The following CNPY1 variants were observed in gnomAD, a reference collection of about 807,000 sequenced individuals.
The protein encoded by CNPY1 is canopy FGF signaling regulator 1.
Under a neutral mutation model 14.4 loss-of-function variants are expected in CNPY1, and 14 were observed. The ratio of observed to expected loss-of-function variants is 0.97; its 90% confidence interval spans 0.64 to 1.52. CNPY1 has a LOEUF of 1.52. CNPY1 is among the 40% of genes most tolerant of loss of function. CNPY1 has a pLI of 0.00. For synonymous variants in CNPY1, 43 were observed against 46.5 expected, an observed-to-expected ratio of 0.92 and a Z score of 0.31; for missense variants, 129 against 131.5, an observed-to-expected ratio of 0.98 and a Z score of 0.09.
intron 2 of CNPY1, among the ~76,000 whole-genome samples, chr7:155,517,276 A>G (rs1585311645): frequency 6.6e-6 from 1 of 152,086 alleles, no homozygotes; most frequent in East Asian, 1.9e-4. Context: ...AGGGACGGCC[A>G]TGTGAGGACG....
At chr7:155,534,443 GCA>G (rs1299698502) in intron 2 of CNPY1, among the ~76,000 whole-genome samples, 1 of 152,192 alleles carries the variant, frequency 6.6e-6, no homozygotes, top group African/African-American at 2.4e-5. Flanking sequence ...ACTTGCATGT[GCA>G]CACACAGACA....
chr7:155,528,795 T>A (rs1796877891), intron 2 of CNPY1, among the ~76,000 whole-genome samples: 1 of 152,186 alleles, frequency 6.6e-6, no homozygotes, highest in Non-Finnish European at 1.5e-5. Flanking sequence ...GCGCGGTGGC[T>A]CACACCTGTA....
chr7:155,505,313 G>C (rs1435103195), intron 4 of CNPY1, among the ~76,000 whole-genome samples: 1 of 152,132 alleles, frequency 6.6e-6, no homozygotes, highest in Non-Finnish European at 1.5e-5. Context: ...GTTCATAGTG[G>C]TAAGGACTTA....
Position 155,536,343 on chromosome 7 carries a change from G to A in CNPY1, c.99+9488C>T, listed in dbSNP as rs1434416148. 7.2e-5 allele frequency among the ~76,000 whole-genome samples: 11 copies of A among 152,120 alleles called. No homozygotes were observed. Among genetic ancestry groups the A allele is most frequent in the Non-Finnish European group, 5.9e-5 (4 of 68,024 alleles). ...AGCCTACGGGCCGCTCTGTGCTTGA[G>A]ACCTATAGTCATAGGTTTCAGGAAA... On this transcript the variant is annotated intron_variant, in intron 2 of 4. Coordinates refer to ENST00000636446, the MANE Select transcript of CNPY1 (RefSeq NM_001393663.1). This position sits in a 1 kb window ranked among gnomAD's most constrained non-coding sequence, Gnocchi z 4.1.
intron 2 of CNPY1, among the ~76,000 whole-genome samples, chr7:155,532,888 C>T (rs1458059219): frequency 6.6e-6 from 1 of 151,962 alleles, no homozygotes; most frequent in African/African-American, 2.4e-5. Context: ...GTTGGGAGTC[C>T]CTGGGAACCA....
chr7:155,540,419 C>T (rs1380856476), intron 2 of CNPY1, among the ~76,000 whole-genome samples: 1 of 152,230 alleles, frequency 6.6e-6, no homozygotes, highest in Non-Finnish European at 1.5e-5. Context: ...TTAAGTGAGT[C>T]ACTAAAGCTT....
At chr7:155,545,345 C>A (rs1797146013) in intron 2 of CNPY1, among the ~76,000 whole-genome samples, 1 of 152,216 alleles carries the variant, frequency 6.6e-6, no homozygotes, top group African/African-American at 2.4e-5. Flanking sequence ...TCAGGGGGAG[C>A]CCCTCTCTAG....
intron 2 of CNPY1, 75 bp from the exon 3 acceptor site, chr7:155,509,172 T>A: frequency 1.3e-6 from 1 of 788,738 alleles, no homozygotes; most frequent in Non-Finnish European, 2.0e-6. Context: ...CGAGTCCACA[T>A]GGAAACGCCA....
chr7:155,513,005 G>A (rs1371463456), intron 2 of CNPY1, among the ~76,000 whole-genome samples: 1 of 152,158 alleles, frequency 6.6e-6, no homozygotes, highest in Non-Finnish European at 1.5e-5. Flanking sequence ...TCAATATTTA[G>A]AAGTGAAAAT....
intron 2 of CNPY1, among the ~76,000 whole-genome samples, chr7:155,509,783 C>T (rs1371505388): frequency 2.0e-5 from 3 of 152,206 alleles, no homozygotes; most frequent in Non-Finnish European, 4.4e-5. Context: ...AGCTGGTGCA[C>T]GTCCCCGCGC....
chr7:155,530,805 C>T (rs1163234960), intron 2 of CNPY1, among the ~76,000 whole-genome samples: 1 of 152,212 alleles, frequency 6.6e-6, no homozygotes. Flanking sequence ...CTGTGCACTG[C>T]GGTGCTGAGC....
chr7:155,545,905 T>A lies in CNPY1; in HGVS notation c.25A>T (p.Thr9Ser). Residue 9 changes from threonine to serine, a missense_variant, in exon 2 of 5, where the codon ACC (threonine) becomes TCC (serine). By Grantham distance (58) the Thr-to-Ser change is moderately conservative. Transcript: ENST00000636446. MDEIEHDI[T>S]KARQKKTKVG... ...TTGGTCTTCTTCTGCCGAGCCTTGG[T>A]GATGTCGTGCTCTATCTCGTCCATC... 2.5e-6 allele frequency: 1 copy of A among 398,650 alleles called. No homozygotes were observed. The highest frequency in any genetic ancestry group is 4.4e-6 in the Non-Finnish European group (1 of 226,070). The allele number at this position is 398,650 out of a possible 1,614,324, so 24.7% of individuals were successfully genotyped here. A position where few individuals can be genotyped will look rare whatever the true frequency, so the allele number is the denominator to read the frequency against.
In CNPY1 at chr7:155,502,891, G is replaced by C; in HGVS notation, c.*177C>G. On this transcript the variant is annotated 3_prime_UTR_variant, in exon 5 of 5. Transcript: ENST00000636446. ...TCAGCTTCACCTATAAAAAAACGCA[G>C]GGTTTGTCATGATGTCAACCAACAG... is the stretch of plus-strand genomic sequence containing the variant. 1 of 557,500 alleles carries C rather than the reference G, an allele frequency of 1.8e-6. No individual in the cohort carries two copies. The highest frequency in any genetic ancestry group is 3.2e-6 in the Non-Finnish European group (1 of 316,720). 34.5% of individuals were successfully genotyped at this position (557,500 alleles called of 1,614,324 possible).
At chr7:155,524,826 T>C (rs1381203881) in intron 2 of CNPY1, among the ~76,000 whole-genome samples, 1 of 107,182 alleles carries the variant, frequency 9.3e-6, no homozygotes, top group Non-Finnish European at 1.7e-5. Context: ...ATGAAACCGA[T>C]CCCTGGTGCC....
intron 2 of CNPY1, among the ~76,000 whole-genome samples, chr7:155,528,802 T>C (rs2116734050): frequency 6.6e-6 from 1 of 152,324 alleles, no homozygotes; most frequent in East Asian, 1.9e-4. Context: ...GGCTCACACC[T>C]GTAATCCCAG....
chr7:155,539,412 CG>C (rs1273790348), intron 2 of CNPY1, among the ~76,000 whole-genome samples: 31 of 152,284 alleles, frequency 2.0e-4, no homozygotes, highest in African/African-American at 7.2e-4. Flanking sequence ...TGCCACTACA[CG>C]GATTTCATGG....
At chr7:155,507,372 C>T (rs1296447100) in intron 3 of CNPY1, among the ~76,000 whole-genome samples, 2 of 146,236 alleles carry the variant, frequency 1.4e-5, no homozygotes, top group African/African-American at 5.1e-5. Context: ...GAGGAAGGAA[C>T]ATCTCTTTGC....
chr7:155,544,089 C>G (rs976324101), intron 2 of CNPY1, among the ~76,000 whole-genome samples: 2 of 152,292 alleles, frequency 1.3e-5, no homozygotes, highest in African/African-American at 4.8e-5. Context: ...CTCAGGACCC[C>G]CAAACGTGGA....
chr7:155,540,071 T>C (rs1416843177), intron 2 of CNPY1, among the ~76,000 whole-genome samples: 3 of 152,184 alleles, frequency 2.0e-5, no homozygotes, highest in Non-Finnish European at 4.4e-5. Context: ...TTTTCTCTCC[T>C]CTGGTGGCTA....
Sources: gnomAD v4.1 joint callset for allele counts (sites outside exome capture counted in the v4.1 genomes callset) on GRCh38, gnomAD v4.1.1 for gene constraint, Gnocchi (gnomAD v3.1) non-coding constraint, MANE v1.5 for transcripts, NCBI Gene and HGNC (gene_info 2026-07-23, HGNC 2026-07-21) for gene names.